METTL15: variants seen among roughly 807,000 people sequenced by gnomAD.
METTL15 encodes the protein methyltransferase 15, mitochondrial 12S rRNA N4-cytidine, also known as 12S rRNA N(4)-cytidine methyltransferase METTL15.
In METTL15, 34 loss-of-function variants were observed where a neutral mutation model predicts 38.3. The ratio of observed to expected loss-of-function variants is 0.89; its 90% CI spans 0.68 to 1.18. The LOEUF is 1.18. Among genes scored for constraint, METTL15 ranks in the 50% most tolerant of loss-of-function variants. The probability of loss-of-function intolerance (pLI) is 0.00; values close to 1 mark genes in which losing one functional copy is unlikely to be tolerated. For synonymous variants in METTL15, 162 were observed against 170.9 expected (o/e 0.95, Z 0.41); for missense variants, 438 against 498.4 (o/e 0.88, Z 1.15).
chr11:28,148,286 C>T (rs143557045), intron 3 of METTL15, among the ~76,000 whole-genome samples: 3 of 151,940 alleles, frequency 2.0e-5, no homozygotes, highest in Admixed American at 6.6e-5. Context: ...TTTTATGATA[C>T]CTAAAAGTCA....
chr11:28,503,639 A>G (rs1406276032), intron 6 of METTL15, among the ~76,000 whole-genome samples: 1 of 151,800 alleles, frequency 6.6e-6, no homozygotes, highest in Non-Finnish European at 1.5e-5. Context: ...AAAAATATAA[A>G]AATTAGCCAG....
chr11:28,290,459 A>G, intron 5 of METTL15, 62 bp downstream of exon 5: 1 of 1,494,584 alleles, frequency 6.7e-7, no homozygotes, highest in Non-Finnish European at 9.1e-7. Context: ...AACACTCTGA[A>G]TTTAATTTTT....
intron 4 of METTL15, among the ~76,000 whole-genome samples, chr11:28,228,289 G>T (rs1259123576): frequency 6.6e-6 from 1 of 151,752 alleles, no homozygotes; most frequent in Non-Finnish European, 1.5e-5. Context: ...GAACCAGACT[G>T]CTGAGCTTTT....
intron 5 of METTL15, among the ~76,000 whole-genome samples, chr11:28,388,435 T>C (rs1418803228): frequency 1.3e-5 from 2 of 151,880 alleles, no homozygotes; most frequent in East Asian, 3.9e-4. Flanking sequence ...AAAAAGGAAA[T>C]TAAGAAAATA....
chr11:28,445,726 A>G lies in METTL15; in HGVS notation c.*424+21362A>G, dbSNP rs1266054805. Among the ~76,000 whole-genome samples the G allele has an allele frequency of 2.0e-5, 3 of 152,072 alleles. No individual in the cohort carries two copies. The South Asian group carries it at 6.2e-4, about 32-fold the overall frequency. On this transcript the variant is annotated intron_variant and NMD_transcript_variant, in intron 6 of 7. Coordinates refer to the METTL15 transcript ENST00000532947. ...GAGTGCAGTGGCATGATCGCGACTC[A>G]CTGCAGCCTCAACCTCCTGGGCTCA...
intron 3 of METTL15, among the ~76,000 whole-genome samples, chr11:28,151,736 C>T (rs1348431742): frequency 6.6e-6 from 1 of 152,046 alleles, no homozygotes; most frequent in Non-Finnish European, 1.5e-5. Flanking sequence ...ATATTTCTAG[C>T]ATTTAGCACA....
At chr11:28,477,557 A>G (rs1851357536) in intron 6 of METTL15, 1 of 151,970 alleles carries the variant, frequency 6.6e-6, no homozygotes, top group African/African-American at 2.4e-5. Flanking sequence ...CCTGAATGGA[A>G]CTCTGTCTCA....
intron 6 of METTL15, among the ~76,000 whole-genome samples, chr11:28,431,795 A>T (rs1850931988): frequency 3.5e-5 from 1 of 28,928 alleles, no homozygotes; most frequent in African/African-American, 8.4e-5. Flanking sequence ...AAATTTAAAA[A>T]AAAAAAAAAA....
At chr11:28,406,376 CT>C (rs1404880904) in intron 5 of METTL15, among the ~76,000 whole-genome samples, 1 of 151,978 alleles carries the variant, frequency 6.6e-6, no homozygotes, top group Admixed American at 6.6e-5. Flanking sequence ...TGGCTCTCTG[CT>C]TGCCTATTGT....
chr11:28,161,255 T>C (rs898255694), intron 3 of METTL15, among the ~76,000 whole-genome samples: 1 of 151,894 alleles, frequency 6.6e-6, no homozygotes, highest in Non-Finnish European at 1.5e-5. Flanking sequence ...CCCAAGTAGC[T>C]GGGATTACAG....
intron 5 of METTL15, among the ~76,000 whole-genome samples, chr11:28,380,325 G>T (rs970626072): frequency 2.0e-5 from 3 of 151,684 alleles, no homozygotes; most frequent in Non-Finnish European, 4.4e-5. Context: ...CTGCCATCAC[G>T]CCCGGCTAAG....
At chr11:28,470,977 AAAC>A (rs921177306) in intron 6 of METTL15, among the ~76,000 whole-genome samples, 7 of 152,098 alleles carry the variant, frequency 4.6e-5, no homozygotes, top group African/African-American at 9.7e-5. Context: ...TAGTGGCCTA[AAAC>A]AACAACAACT....
intron 4 of METTL15, among the ~76,000 whole-genome samples, chr11:28,259,272 T>C (rs1855100605): frequency 6.6e-6 from 1 of 152,004 alleles, no homozygotes; most frequent in Non-Finnish European, 1.5e-5. Context: ...GTCTTTCCCA[T>C]TTGTCCTGCC....
intron 6 of METTL15, among the ~76,000 whole-genome samples, chr11:28,311,011 A>T (rs1322248312): frequency 1.3e-5 from 2 of 149,038 alleles, no homozygotes; most frequent in Admixed American, 6.7e-5. Context: ...TGTGAGAGAG[A>T]GAGAGAGAGA....
intron 3 of METTL15, among the ~76,000 whole-genome samples, chr11:28,188,822 T>G (rs761391989): frequency 9.3e-5 from 14 of 151,296 alleles, no homozygotes; most frequent in Non-Finnish European, 2.1e-4. Context: ...TCTCTTCTTA[T>G]ACTGGAAAGT....
intron 6 of METTL15, among the ~76,000 whole-genome samples, chr11:28,520,183 GA>G (rs1851753477): frequency 6.6e-6 from 1 of 151,962 alleles, no homozygotes; most frequent in African/African-American, 2.4e-5. Context: ...CCACAAATAG[GA>G]AAAGTGAGCC....
At chr11:28,154,311 A>C (rs770751806) in intron 3 of METTL15, among the ~76,000 whole-genome samples, 2 of 152,062 alleles carry the variant, frequency 1.3e-5, no homozygotes, top group Non-Finnish European at 2.9e-5. Flanking sequence ...TACGATGTGG[A>C]TAGTATAATA....
At chr11:28,256,328 T>C (rs1031432233) in intron 4 of METTL15, among the ~76,000 whole-genome samples, 1 of 152,186 alleles carries the variant, frequency 6.6e-6, no homozygotes, top group African/African-American at 2.4e-5. Flanking sequence ...ATTGATAGGG[T>C]CTTAGGCTTT....
chr11:28,289,596 G>A (rs1303326896), intron 4 of METTL15, among the ~76,000 whole-genome samples: 2 of 152,070 alleles, frequency 1.3e-5, no homozygotes, highest in African/African-American at 4.8e-5. Flanking sequence ...CCCAATTCCT[G>A]CCTGTCTGTT....
Sources: gnomAD v4.1 joint callset for allele counts (sites outside exome capture counted in the v4.1 genomes callset) on GRCh38, gnomAD v4.1.1 for gene constraint, MANE v1.5 for transcripts, NCBI Gene and HGNC (gene_info 2026-07-23, HGNC 2026-07-21) for gene names.